The following ODF2L variants were observed in gnomAD, a reference collection of about 807,000 sequenced individuals.
ODF2L encodes outer dense fiber of sperm tails 2 like, also known as protein BCAP.
ODF2L carries 76 observed loss-of-function variants against 86.3 expected under a neutral mutation model. The observed-to-expected ratio is 0.88, with a 90% CI of 0.73 to 1.07. ODF2L has a LOEUF of 1.07. ODF2L is among the 50% of genes least tolerant of loss of function. ODF2L has a pLI of 0.00. For missense variants in ODF2L, 748 were observed against 717.4 expected, an observed-to-expected ratio of 1.04 and a Z score of -0.49; for synonymous variants, 241 against 231.3, an observed-to-expected ratio of 1.04 and a Z score of -0.38.
chr1:86,350,987 A>T (rs1479314905), exon 18 of ODF2L: 2 of 151,726 alleles, frequency 1.3e-5, no homozygotes, highest in Non-Finnish European at 2.9e-5. Context: ...TAGATTCTGG[A>T]TATTGGCCCT....
At chr1:86,389,394 T>TGCTA (rs1661158220) in intron 1 of ODF2L, among the ~76,000 whole-genome samples, 1 of 152,020 alleles carries the variant, frequency 6.6e-6, no homozygotes, top group African/African-American at 2.4e-5. Context: ...GCAAAGGTGG[T>TGCTA]GCTAAGGGAA....
exon 17 of ODF2L, chr1:86,352,946 A>C: frequency 6.5e-7 from 1 of 1,539,820 alleles, no homozygotes; most frequent in Non-Finnish European, 8.9e-7. Context: ...TTTGTAAAGC[A>C]CTCTCTCTAG....
chr1:86,353,017 G>C, intron 16 of ODF2L, 33 bp from the exon 16 acceptor site: 2 of 1,370,286 alleles, frequency 1.5e-6, no homozygotes, highest in Non-Finnish European at 2.0e-6. Context: ...AAAATAAAGT[G>C]CTTTCTTTAA....
chr1:86,360,221 C>T (rs1318772850), intron 12 of ODF2L, among the ~76,000 whole-genome samples: 2 of 152,100 alleles, frequency 1.3e-5, no homozygotes, highest in Non-Finnish European at 2.9e-5. Flanking sequence ...CCAGTATATC[C>T]ATATGCAGTG....
chr1:86,384,280 T>C (rs1205006379), intron 4 of ODF2L, among the ~76,000 whole-genome samples: 1 of 151,784 alleles, frequency 6.6e-6, no homozygotes, highest in Non-Finnish European at 1.5e-5. Context: ...ACTCTGTGAA[T>C]ACAATGAAAA....
In ODF2L at chr1:86,358,668, C is replaced by G. The variant is rs765499145; in HGVS notation, c.1359+119G>C. 5.7e-4 allele frequency: 249 copies of G among 439,200 alleles called. 1 individual carries two copies. The highest frequency in any genetic ancestry group is 9.2e-4 in the South Asian group (17 of 18,552). The allele number at this position is 439,200 out of a possible 1,614,324, so 27.2% of individuals were successfully genotyped here. On this transcript the variant is annotated intron_variant, in intron 13 of 17. Coordinates refer to ENST00000317336, the Ensembl canonical transcript of ODF2L. ...CTTGGAAAACAAACTCTTACAGAGGCTAAGACTAGCCCTTTCCTAAGTATG... is the reference window on the plus strand; with the variant it reads ...CTTGGAAAACAAACTCTTACAGAGGGTAAGACTAGCCCTTTCCTAAGTATG...
intron 11 of ODF2L, among the ~76,000 whole-genome samples, chr1:86,366,145 C>T (rs1161900153): frequency 6.6e-6 from 1 of 152,014 alleles, no homozygotes; most frequent in Admixed American, 6.6e-5. Context: ...ATTTAGTTTT[C>T]TCCTGTTTCG....
chr1:86,376,672 C>T (rs944230258), intron 7 of ODF2L, among the ~76,000 whole-genome samples: 8 of 151,984 alleles, frequency 5.3e-5, no homozygotes, highest in Admixed American at 3.9e-4. Flanking sequence ...CTTCACATGG[C>T]GACAGGAGAC....
At chr1:86,376,287 C>G in exon 8 of ODF2L, 3 of 1,613,002 alleles carry the variant, frequency 1.9e-6, no homozygotes, top group Non-Finnish European at 1.7e-6. Context: ...AATGGTCAAG[C>G]CTTTGTTTGT....
intron 7 of ODF2L, among the ~76,000 whole-genome samples, chr1:86,379,814 T>A (rs987642049): frequency 6.6e-6 from 1 of 152,154 alleles, no homozygotes; most frequent in African/African-American, 2.4e-5. Context: ...ATAAGAGTCA[T>A]AAGATAAGTA....
chr1:86,368,882 T>C (rs1263421748), intron 10 of ODF2L, among the ~76,000 whole-genome samples: 2 of 152,090 alleles, frequency 1.3e-5, no homozygotes, highest in Non-Finnish European at 2.9e-5. Context: ...TTTAAAAGGA[T>C]GCTTATAAAG....
rs879700156 is a variant in ODF2L, at chr1:86,377,874, C to T, written c.625-1456G>A. Reference sequence around the variant, plus strand: ...GAAGACCTCTGACATACCCCAGAAACATTTTCCCCATTAATATTCGGCTTC... The same window carrying T: ...GAAGACCTCTGACATACCCCAGAAATATTTTCCCCATTAATATTCGGCTTC... On this transcript the variant is annotated intron_variant, in intron 7 of 17. Coordinates refer to ENST00000317336, the Ensembl canonical transcript of ODF2L. Among the ~76,000 whole-genome samples, 7 of 152,328 alleles carry T rather than the reference C, an allele frequency of 4.6e-5. No individual in the cohort carries two copies. The East Asian group carries it at 1.2e-3, about 25-fold the overall frequency.
chr1:86,350,447 G>T (rs944635796), exon 18 of ODF2L: 3 of 152,084 alleles, frequency 2.0e-5, no homozygotes, highest in African/African-American at 7.3e-5. Context: ...CCTTTTTTAT[G>T]GCTGCATAGT....
intron 7 of ODF2L, among the ~76,000 whole-genome samples, chr1:86,378,924 GGT>G: frequency 6.6e-6 from 1 of 152,016 alleles, no homozygotes. Context: ...GCTGGGGCCT[GGT>G]GGGAGGTGGT....
At chr1:86,392,110 G>C (rs974790302) in intron 1 of ODF2L, among the ~76,000 whole-genome samples, 1 of 152,176 alleles carries the variant, frequency 6.6e-6, no homozygotes, top group Non-Finnish European at 1.5e-5. Flanking sequence ...CTAATGATCA[G>C]AGAAATGCAA....
chr1:86,365,730 CTAAT>C (rs1213501376), intron 11 of ODF2L, among the ~76,000 whole-genome samples: 1 of 152,156 alleles, frequency 6.6e-6, no homozygotes, highest in East Asian at 1.9e-4. Context: ...TGATGACTGA[CTAAT>C]GAATCAGGAG....
At chr1:86,385,703 T>C (rs1351102344) in intron 2 of ODF2L, 113 bp from the exon 3 acceptor site, 1 of 686,706 alleles carries the variant, frequency 1.5e-6, no homozygotes, top group African/African-American at 1.8e-5. Flanking sequence ...CAACTTTTAG[T>C]TCAAAAGTAG....
chr1:86,377,674 G>A (rs1202314350), intron 7 of ODF2L, among the ~76,000 whole-genome samples: 1 of 152,184 alleles, frequency 6.6e-6, no homozygotes, highest in Non-Finnish European at 1.5e-5. Flanking sequence ...GCCAAGGCTT[G>A]GGGCATCCAC....
intron 9 of ODF2L, among the ~76,000 whole-genome samples, chr1:86,372,116 G>T (rs1474010492): frequency 6.6e-6 from 1 of 150,844 alleles, no homozygotes; most frequent in Non-Finnish European, 1.5e-5. Context: ...TTGAACCCAG[G>T]AGGCGGAGGT....
Sources: gnomAD v4.1 joint callset for allele counts (sites outside exome capture counted in the v4.1 genomes callset) on GRCh38, gnomAD v4.1.1 for gene constraint, MANE v1.5 for transcripts, NCBI Gene and HGNC (gene_info 2026-07-23, HGNC 2026-07-21) for gene names.